The following ZBTB16 variants were observed in gnomAD, a reference collection of about 807,000 sequenced individuals.
ZBTB16 encodes zinc finger and BTB domain-containing protein 16.
Under a neutral mutation model 56.8 loss-of-function variants are expected in ZBTB16, and 8 were observed. The ratio of observed to expected loss-of-function variants is 0.14; its 90% CI spans 0.08 to 0.25. The LOEUF (loss-of-function observed/expected upper bound fraction) is 0.25, where lower values mean the gene tolerates loss of function less well. Ranked by LOEUF, ZBTB16 falls within the 10% of genes least tolerant of loss-of-function variation. The pLI is 1.00. For synonymous variants in ZBTB16, 363 were observed against 368.5 expected, an observed-to-expected ratio of 0.98 and a Z score of 0.17; for missense variants, 625 against 903.0, an observed-to-expected ratio of 0.69 and a Z score of 3.95.
At chr11:114,144,556 C>T (rs1339998067) in intron 2 of ZBTB16, among the ~76,000 whole-genome samples, 2 of 152,118 alleles carry the variant, frequency 1.3e-5, no homozygotes, top group Admixed American at 1.3e-4. Flanking sequence ...GTTTGGGGAG[C>T]CCTTAACAGA....
At chr11:114,179,883 G>C (rs970844840) in intron 3 of ZBTB16, among the ~76,000 whole-genome samples, 6 of 152,222 alleles carry the variant, frequency 3.9e-5, no homozygotes, top group African/African-American at 1.2e-4. Flanking sequence ...TTTGACAAGG[G>C]GGAGAGGGCA....
intron 4 of ZBTB16, chr11:114,188,972 T>C (rs964278933): frequency 6.6e-6 from 1 of 152,196 alleles, no homozygotes; most frequent in African/African-American, 2.4e-5. Flanking sequence ...GAGTGAGCAT[T>C]TGCAGAAGCC....
At chr11:114,217,162 T>C (rs1317169205) in intron 4 of ZBTB16, among the ~76,000 whole-genome samples, 2 of 152,220 alleles carry the variant, frequency 1.3e-5, no homozygotes, top group Non-Finnish European at 2.9e-5. Context: ...ACGTGGTGGA[T>C]ACAGTTGGAG....
At chr11:114,130,510 G>A (rs1941632056) in intron 2 of ZBTB16, among the ~76,000 whole-genome samples, 1 of 152,228 alleles carries the variant, frequency 6.6e-6, no homozygotes, top group African/African-American at 2.4e-5. Context: ...CTGTGTATGG[G>A]CATGTGTGCT....
intron 4 of ZBTB16, among the ~76,000 whole-genome samples, chr11:114,211,403 C>G (rs1943996093): frequency 6.6e-6 from 1 of 152,194 alleles, no homozygotes; most frequent in African/African-American, 2.4e-5. Flanking sequence ...CCCCACCTAC[C>G]TTCCTTATCT....
intron 6 of ZBTB16, among the ~76,000 whole-genome samples, chr11:114,248,955 A>T (rs1159268461): frequency 1.3e-5 from 2 of 152,154 alleles, no homozygotes; most frequent in Non-Finnish European, 2.9e-5. Context: ...GAGTATTGAT[A>T]GCGAGATGGC....
chr11:114,148,422 TCC>T (rs1491505586), intron 2 of ZBTB16, among the ~76,000 whole-genome samples: 296 of 15,284 alleles, frequency 0.019, 16 homozygotes, highest in African/African-American at 0.065. Flanking sequence ...CCTCCCTCCC[TCC>T]CTCTCTCTCT....
intron 4 of ZBTB16, among the ~76,000 whole-genome samples, chr11:114,198,409 G>C (rs1221670383): frequency 0.17 from 1 of 6 alleles, no homozygotes; most frequent in Non-Finnish European, 0.5. Flanking sequence ...TCCAAGCACA[G>C]GGGCTCTCGG....
chr11:114,063,283 T>C lies in ZBTB16; in HGVS notation c.-18T>C. ...CCAGAAGGAAAGAAAGCCTCATGCC[T>C]GAGCCGAGGGGAGCACCATGGATCT... On this transcript the variant is annotated 5_prime_UTR_variant, in exon 2 of 7. Transcript: ENST00000335953. This position sits in a 1 kb window ranked among gnomAD's most constrained non-coding sequence, Gnocchi z 6.5. The C allele has an allele frequency of 6.2e-7, 1 of 1,613,074 alleles. No individual in the cohort carries two copies.
chr11:114,077,600 A>AAT (rs1939616802), intron 2 of ZBTB16, among the ~76,000 whole-genome samples: 1 of 152,104 alleles, frequency 6.6e-6, no homozygotes, highest in Non-Finnish European at 1.5e-5. Context: ...TCTCAGAAAA[A>AAT]ATGAAACGGC....
At position 114,242,784 on chromosome 11, in the gene ZBTB16, T is replaced by G. The variant is rs191488741; in HGVS notation, c.1624+447T>G. ...TGCCCCGCCGCTCTATCCATACACA[T>G]TTCTGAAGTCAGCTTCGGGCTTCTG... is the stretch of plus-strand genomic sequence containing the variant. On this transcript the variant is annotated intron_variant, in intron 5 of 6. Coordinates refer to ENST00000335953, the MANE Select transcript of ZBTB16 (RefSeq NM_006006.6). 5.9e-5 allele frequency among the ~76,000 whole-genome samples: 9 copies of G among 152,328 alleles called. No individual in the cohort carries two copies. The East Asian group carries it at 1.7e-3, about 29-fold the overall frequency.
chr11:114,205,644 C>T (rs1184621256), intron 4 of ZBTB16, among the ~76,000 whole-genome samples: 1 of 152,180 alleles, frequency 6.6e-6, no homozygotes, highest in Non-Finnish European at 1.5e-5. Context: ...TACTGTTTCA[C>T]AGGACTCCAG....
chr11:114,194,060 G>A lies in ZBTB16; in HGVS notation c.1453+7022G>A, dbSNP rs973785329. ...GGTGATCCTGTTTAGAGGTCATTGA[G>A]TTCATGGCCCTGCCTGGGAAGAGCT... On this transcript the variant is annotated intron_variant, in intron 4 of 6. Transcript: ENST00000335953. Among the ~76,000 whole-genome samples the A allele has an allele frequency of 1.9e-4, 29 of 152,168 alleles. 1 individual carries two copies. Among genetic ancestry groups the A allele is most frequent in the Non-Finnish European group, 4.4e-5 (3 of 68,046 alleles).
intron 3 of ZBTB16, among the ~76,000 whole-genome samples, chr11:114,161,293 A>G (rs1942583426): frequency 6.6e-6 from 1 of 152,102 alleles, no homozygotes; most frequent in South Asian, 2.1e-4. Context: ...GCATACGATT[A>G]GGGTTTGAGT....
At chr11:114,116,953 T>C (rs903329495) in intron 2 of ZBTB16, among the ~76,000 whole-genome samples, 8 of 151,622 alleles carry the variant, frequency 5.3e-5, no homozygotes, top group Non-Finnish European at 7.4e-5. Flanking sequence ...AGAATACAAG[T>C]GGTAATAAAA....
In ZBTB16 at chr11:114,143,895, G is replaced by T. The variant is rs565952693; in HGVS notation, c.1269-12442G>T. Among the ~76,000 whole-genome samples the T allele has an allele frequency of 2.0e-5, 3 of 152,216 alleles. No homozygotes were observed. Among genetic ancestry groups the T allele is most frequent in the African/African-American group, 7.2e-5 (3 of 41,526 alleles). On this transcript the variant is annotated intron_variant, in intron 2 of 6. Coordinates refer to ENST00000335953, the MANE Select transcript of ZBTB16 (RefSeq NM_006006.6). The surrounding 1 kb of genome is among the most constrained non-coding windows in gnomAD (Gnocchi z 6.4). ...AAAGTGTGGATGTTTCCAGAGAGCC[G>T]CTGCTTGGCCTCTGTGCTCGTTGGG...
chr11:114,112,414 G>C (rs1591677399), intron 2 of ZBTB16, among the ~76,000 whole-genome samples: 1 of 152,206 alleles, frequency 6.6e-6, no homozygotes, highest in South Asian at 2.1e-4. Context: ...GAGAGATGGA[G>C]AAGGTAGAGG....
intron 4 of ZBTB16, among the ~76,000 whole-genome samples, chr11:114,224,972 C>A (rs527835992): frequency 6.6e-6 from 1 of 151,892 alleles, no homozygotes; most frequent in Non-Finnish European, 1.5e-5. Flanking sequence ...AGTTAGTGAG[C>A]AATTGGGAGG....
chr11:114,142,746 G>A (rs946079063), intron 2 of ZBTB16, among the ~76,000 whole-genome samples: 2 of 146,446 alleles, frequency 1.4e-5, no homozygotes, highest in African/African-American at 2.5e-5. Context: ...GGATGGAGGA[G>A]CATGGGGCCT....
Sources: allele counts gnomAD v4.1 joint callset (sites outside exome capture counted in the v4.1 genomes callset), GRCh38; gene constraint gnomAD v4.1.1; non-coding constraint Gnocchi (gnomAD v3.1); transcripts MANE v1.5; gene names NCBI Gene and HGNC (gene_info 2026-07-23, HGNC 2026-07-21).